Variants in CSPP1 observed in about 807,000 individuals in gnomAD.
CSPP1 encodes centrosome and spindle pole-associated protein 1.
CSPP1 carries 126 observed loss-of-function variants against 164.4 expected under a neutral mutation model. That is an observed-to-expected ratio of 0.77 (90% confidence interval 0.66 to 0.89). The LOEUF (loss-of-function observed/expected upper bound fraction) is 0.89, where lower values mean the gene tolerates loss of function less well. CSPP1 is among the 40% of genes least tolerant of loss of function. The pLI is 0.00. For synonymous variants in CSPP1, 472 were observed against 476.7 expected (o/e 0.99, Z 0.13); for missense variants, 1,395 against 1,449.8 (o/e 0.96, Z 0.61).
chr8:67,135,853 G>A (rs191432913), intron 16 of CSPP1: 2 of 152,224 alleles, frequency 1.3e-5, no homozygotes, highest in Non-Finnish European at 1.5e-5. Flanking sequence ...GTCATTTCTA[G>A]CTTTTGATTT....
At chr8:67,126,222 G>T (rs1049651014) in intron 15 of CSPP1, among the ~76,000 whole-genome samples, 2 of 152,130 alleles carry the variant, frequency 1.3e-5, no homozygotes, top group African/African-American at 4.8e-5. Context: ...ACAAGGCATG[G>T]GATTCCTCTG....
chr8:67,186,919 C>T (rs1033339263), intron 28 of CSPP1, among the ~76,000 whole-genome samples: 18 of 152,124 alleles, frequency 1.2e-4, no homozygotes, highest in Non-Finnish European at 5.9e-5. Context: ...AAACACAATA[C>T]CACTTACATT....
intron 7 of CSPP1, among the ~76,000 whole-genome samples, chr8:67,101,022 G>A (rs187293768): frequency 2.6e-4 from 39 of 152,162 alleles, no homozygotes; most frequent in Admixed American, 2.2e-3. Flanking sequence ...AAGGTAAAAG[G>A]CACATGGAAC....
At chr8:67,195,157 G>GATC (rs747181913) in intron 30 of CSPP1, among the ~76,000 whole-genome samples, 1 of 152,054 alleles carries the variant, frequency 6.6e-6, no homozygotes, top group Non-Finnish European at 1.5e-5. Flanking sequence ...TTACTCAGTT[G>GATC]ATCATTTTTT....
chr8:67,072,990 C>T (rs1009317253), intron 1 of CSPP1, among the ~76,000 whole-genome samples: 2 of 151,146 alleles, frequency 1.3e-5, no homozygotes, highest in Admixed American at 6.6e-5. Flanking sequence ...AGATGCTCAA[C>T]ATCATAGTTA....
chr8:67,152,639 T>G (rs1335748991), intron 18 of CSPP1, among the ~76,000 whole-genome samples: 1 of 152,228 alleles, frequency 6.6e-6, no homozygotes, highest in Non-Finnish European at 1.5e-5. Flanking sequence ...AGCATCACGG[T>G]GAAACATGCT....
chr8:67,091,995 C>T (rs970306393), intron 5 of CSPP1, 112 bp downstream of exon 5: 13 of 291,770 alleles, frequency 4.5e-5, no homozygotes, highest in Non-Finnish European at 8.6e-5. Flanking sequence ...TTTCCCCACA[C>T]TTGAATATAT....
chr8:67,140,714 T>C (rs1363755150), intron 17 of CSPP1, among the ~76,000 whole-genome samples: 1 of 152,242 alleles, frequency 6.6e-6, no homozygotes, highest in Non-Finnish European at 1.5e-5. Flanking sequence ...TCTTAGAAGC[T>C]TAAGGCCTCT....
At chr8:67,106,775 T>C (rs978942192) in intron 9 of CSPP1, among the ~76,000 whole-genome samples, 1 of 152,182 alleles carries the variant, frequency 6.6e-6, no homozygotes, top group African/African-American at 2.4e-5. Flanking sequence ...TTTAGTAAAG[T>C]ATATGAAGAA....
At chr8:67,173,771 A>C (rs563365153) in intron 25 of CSPP1, 2 of 152,320 alleles carry the variant, frequency 1.3e-5, no homozygotes, top group South Asian at 4.1e-4. Flanking sequence ...TCAAATATTG[A>C]TTACTTACTA....
At chr8:67,139,273 C>A (rs1388357987) in intron 17 of CSPP1, among the ~76,000 whole-genome samples, 1 of 152,098 alleles carries the variant, frequency 6.6e-6, no homozygotes, top group African/African-American at 2.4e-5. Context: ...CAGAGAAATG[C>A]AAATCAAAAC....
Position 67,193,244 on chromosome 8 carries a change from G to A in CSPP1, c.3331-220G>A, listed in dbSNP as rs138037265. ...ACCCAAGTAGCCGGGGACTACAGGC[G>A]CCTGCCACCATGCCCAGCTAATTTG... is the stretch of plus-strand genomic sequence containing the variant. On this transcript the variant is annotated intron_variant, in intron 29 of 30. Transcript: ENST00000678616. Among the ~76,000 whole-genome samples the A allele has an allele frequency of 5.9e-3, 898 of 152,062 alleles. 9 individuals are homozygous for A. The highest frequency in any genetic ancestry group is 0.02 in the African/African-American group (837 of 41,486).
At chr8:67,161,725 C>A in intron 21 of CSPP1, 86 bp from the exon 22 acceptor site, 1 of 653,730 alleles carries the variant, frequency 1.5e-6, no homozygotes, top group Non-Finnish European at 2.6e-6. Flanking sequence ...AGATGACTTT[C>A]TTAACTATAA....
At chr8:67,161,271 A>G (rs142964275) in intron 21 of CSPP1, among the ~76,000 whole-genome samples, 18 of 152,212 alleles carry the variant, frequency 1.2e-4, no homozygotes, top group Admixed American at 5.2e-4. Context: ...TCCATCCTCT[A>G]CAGGGATTTA....
intron 3 of CSPP1, chr8:67,083,548 A>AAAAAAAT (rs1332248754): frequency 1.3e-4 from 12 of 91,478 alleles, no homozygotes; most frequent in Non-Finnish European, 1.8e-4. Flanking sequence ...AAAAAAAAAA[A>AAAAAAAT]ATATATATAT....
chr8:67,066,934 G>A lies in CSPP1; in HGVS notation c.-11+2396G>A, dbSNP rs114760513. On this transcript the variant is annotated intron_variant, in intron 1 of 30. Coordinates refer to ENST00000678616, the MANE Select transcript of CSPP1 (RefSeq NM_001382391.1). ...CTACACCCAGCTAATTTTTTTATTC[G>A]TAGTAAAGATGGGGTTTTGTCATGT... 5.1e-3 allele frequency among the ~76,000 whole-genome samples: 775 copies of A among 151,926 alleles called. 5 individuals are homozygous for A. Among genetic ancestry groups the A allele is most frequent in the African/African-American group, 0.017 (714 of 41,446 alleles).
intron 4 of CSPP1, among the ~76,000 whole-genome samples, chr8:67,087,762 A>G (rs1421357333): frequency 1.3e-5 from 2 of 152,180 alleles, no homozygotes; most frequent in East Asian, 3.8e-4. Context: ...TGGATTTTTA[A>G]CTTGTTATAT....
At chr8:67,089,553 T>C (rs1811184151) in intron 4 of CSPP1, among the ~76,000 whole-genome samples, 1 of 152,208 alleles carries the variant, frequency 6.6e-6, no homozygotes, top group South Asian at 2.1e-4. Flanking sequence ...TCACAGTAAT[T>C]ATTACCTTCT....
chr8:67,160,180 C>A (rs1828051001), intron 21 of CSPP1, among the ~76,000 whole-genome samples: 1 of 150,414 alleles, frequency 6.6e-6, no homozygotes, highest in Admixed American at 6.7e-5. Context: ...CCACACCCTG[C>A]CTCACAGATA....
Sources: gnomAD v4.1 joint callset for allele counts (sites outside exome capture counted in the v4.1 genomes callset) on GRCh38, gnomAD v4.1.1 for gene constraint, MANE v1.5 for transcripts, NCBI Gene and HGNC (gene_info 2026-07-23, HGNC 2026-07-21) for gene names.